BABAM2: variants seen among roughly 807,000 people sequenced by gnomAD.
BABAM2 encodes the protein BRISC and BRCA1-A complex member 2.
In BABAM2, 31 loss-of-function variants were observed where a neutral mutation model predicts 54.7. The ratio of observed to expected loss-of-function variants is 0.57; its 90% CI spans 0.43 to 0.77. The LOEUF is 0.77. BABAM2 is among the 30% of genes least tolerant of loss of function. The pLI is 0.00. For missense variants in BABAM2, 364 were observed against 455.8 expected (o/e 0.80, Z 1.83); for synonymous variants, 167 against 162.9 (o/e 1.03, Z -0.19).
intron 10 of BABAM2, among the ~76,000 whole-genome samples, chr2:28,293,207 G>C (rs1467843713): frequency 6.6e-6 from 1 of 152,114 alleles, no homozygotes; most frequent in East Asian, 1.9e-4. Flanking sequence ...CTGAAATGTT[G>C]AGTGTCTGAT....
At chr2:27,976,550 A>G (rs1671620818) in intron 3 of BABAM2, among the ~76,000 whole-genome samples, 1 of 152,114 alleles carries the variant, frequency 6.6e-6, no homozygotes, top group Non-Finnish European at 1.5e-5. Context: ...TCCAGGAATA[A>G]GGAATGGTCG....
intron 6 of BABAM2, among the ~76,000 whole-genome samples, chr2:28,095,157 A>C (rs931575318): frequency 1.3e-5 from 2 of 152,150 alleles, no homozygotes; most frequent in Non-Finnish European, 2.9e-5. Context: ...AATTTCCTCC[A>C]TAGCAGTCCC....
At chr2:27,962,495 T>G (rs376330749) in intron 3 of BABAM2, among the ~76,000 whole-genome samples, 1 of 152,202 alleles carries the variant, frequency 6.6e-6, no homozygotes. Context: ...TTTGAGCATT[T>G]GTGAGTGAAA....
rs555209047 is a variant in BABAM2 at position 27,994,938 on chromosome 2, G to A, written c.300+6851G>A. Among the ~76,000 whole-genome samples the A allele has an allele frequency of 6.6e-4, 101 of 152,252 alleles. 1 individual carries two copies. The highest frequency in any genetic ancestry group is 1.2e-3 in the Non-Finnish European group (85 of 68,024). On this transcript the variant is annotated intron_variant, in intron 4 of 11. Coordinates refer to ENST00000379624, the MANE Select transcript of BABAM2 (RefSeq NM_199191.3). ...GAAACCATAGCAGTAATTTGAATAG[G>A]GAAAATTTAATATAGAGAATTACTT... is the stretch of plus-strand genomic sequence containing the variant.
chr2:28,209,267 G>A (rs1679205426), intron 7 of BABAM2, among the ~76,000 whole-genome samples: 1 of 152,028 alleles, frequency 6.6e-6, no homozygotes, highest in African/African-American at 2.4e-5. Context: ...GGGTGGAGTG[G>A]GAATGATGAT....
intron 6 of BABAM2, among the ~76,000 whole-genome samples, chr2:28,123,759 T>C (rs1234068279): frequency 6.6e-6 from 1 of 152,098 alleles, no homozygotes; most frequent in Non-Finnish European, 1.5e-5. Flanking sequence ...TTCGGGGAAA[T>C]CTCATGTGCC....
chr2:27,981,001 T>A (rs181521956), intron 3 of BABAM2, among the ~76,000 whole-genome samples: 1 of 152,084 alleles, frequency 6.6e-6, no homozygotes, highest in Non-Finnish European at 1.5e-5. Context: ...AAATATCACA[T>A]ATACCCCATA....
chr2:28,162,597 G>C (rs1673210282), intron 7 of BABAM2, among the ~76,000 whole-genome samples: 1 of 152,198 alleles, frequency 6.6e-6, no homozygotes, highest in Non-Finnish European at 1.5e-5. Flanking sequence ...CCTAAGTGCT[G>C]TTATGCACAT....
At chr2:28,215,259 A>G (rs549967733) in intron 7 of BABAM2, among the ~76,000 whole-genome samples, 34 of 152,282 alleles carry the variant, frequency 2.2e-4, no homozygotes, top group African/African-American at 7.7e-4. Context: ...GGCCTTTATC[A>G]TTTACTAGTT....
intron 6 of BABAM2, among the ~76,000 whole-genome samples, chr2:28,088,103 A>G (rs922185577): frequency 6.6e-5 from 10 of 152,236 alleles, no homozygotes; most frequent in African/African-American, 2.4e-4. Flanking sequence ...ATGTGAACAC[A>G]TAGACACACA....
chr2:28,176,855 A>G (rs1034934898), intron 7 of BABAM2, among the ~76,000 whole-genome samples: 7 of 94,444 alleles, frequency 7.4e-5, no homozygotes, highest in East Asian at 2.0e-4. Context: ...AAAAAAAAAA[A>G]AAGAAGAAGG....
chr2:28,082,810 CT>C (rs1665294197), intron 6 of BABAM2, among the ~76,000 whole-genome samples: 1 of 152,182 alleles, frequency 6.6e-6, no homozygotes, highest in Non-Finnish European at 1.5e-5. Context: ...TGCCTCTTGT[CT>C]TTACTGAAAA....
intron 3 of BABAM2, among the ~76,000 whole-genome samples, chr2:27,982,248 A>T (rs1672057853): frequency 6.6e-6 from 1 of 152,034 alleles, no homozygotes; most frequent in Non-Finnish European, 1.5e-5. Flanking sequence ...TGTTCTGGGT[A>T]CAAGTCCTTT....
At chr2:27,926,926 T>C (rs1200464366) in intron 2 of BABAM2, among the ~76,000 whole-genome samples, 1 of 152,204 alleles carries the variant, frequency 6.6e-6, no homozygotes, top group Non-Finnish European at 1.5e-5. Context: ...CAAACATTTA[T>C]CATTTATTTG....
intron 6 of BABAM2, among the ~76,000 whole-genome samples, chr2:28,091,896 T>A (rs1666187723): frequency 6.6e-6 from 1 of 152,206 alleles, no homozygotes; most frequent in Admixed American, 6.5e-5. Context: ...TTGGTATTTT[T>A]AGTCTGCATG....
intron 4 of BABAM2, chr2:28,015,877 C>A: frequency 1.6e-6 from 1 of 625,860 alleles, no homozygotes; most frequent in South Asian, 1.5e-5. Context: ...CTTTTTTGCT[C>A]GTACCTCCTC....
At position 28,208,598 on chromosome 2, in the gene BABAM2, T is replaced by C. The variant is rs201406807; in HGVS notation, c.681-28604T>C. Among the ~76,000 whole-genome samples, 301 of 152,204 alleles carry C rather than the reference T, an allele frequency of 2.0e-3. 5 individuals carry two copies. In the East Asian group the frequency reaches 0.042, roughly 21 times the overall value. ...TTTCTTCCTTCCCTCCTTTTCTCCT[T>C]CATTTCCCCTTTCCCTCCCTCCCTC... is the stretch of plus-strand genomic sequence containing the variant. On this transcript the variant is annotated intron_variant, in intron 7 of 11. Transcript: ENST00000379624.
At chr2:27,984,606 T>C (rs1672257640) in intron 3 of BABAM2, among the ~76,000 whole-genome samples, 1 of 152,122 alleles carries the variant, frequency 6.6e-6, no homozygotes, top group Non-Finnish European at 1.5e-5. Context: ...AGGAGTGACT[T>C]TGCTATGACT....
At chr2:27,983,843 T>C (rs1672190377) in intron 3 of BABAM2, among the ~76,000 whole-genome samples, 1 of 151,754 alleles carries the variant, frequency 6.6e-6, no homozygotes, top group Non-Finnish European at 1.5e-5. Context: ...TTAGTTCTCA[T>C]TGTTTGTGTG....
Sources: allele counts gnomAD v4.1 joint callset (sites outside exome capture counted in the v4.1 genomes callset), GRCh38; gene constraint gnomAD v4.1.1; transcripts MANE v1.5; gene names NCBI Gene and HGNC (gene_info 2026-07-23, HGNC 2026-07-21).